Variants in GPATCH8 observed in about 807,000 individuals in gnomAD.
GPATCH8 encodes the protein G-patch domain containing 8.
In GPATCH8, 18 loss-of-function variants were observed where a neutral mutation model predicts 118.3. That is an observed-to-expected ratio of 0.15 (90% CI 0.11 to 0.23). The LOEUF (loss-of-function observed/expected upper bound fraction) is 0.23, where lower values mean the gene tolerates loss of function less well. Among genes scored for constraint, GPATCH8 ranks in the 10% least tolerant of loss-of-function variants. GPATCH8 has a pLI of 1.00. For synonymous variants in GPATCH8, 659 were observed against 684.7 expected (o/e 0.96, Z 0.59); for missense variants, 1,631 against 1,873.8 (o/e 0.87, Z 2.39).
chr17:44,452,783 T>G (rs2051164132), intron 3 of GPATCH8, among the ~76,000 whole-genome samples: 2 of 152,056 alleles, frequency 1.3e-5, no homozygotes, highest in Non-Finnish European at 2.9e-5. Flanking sequence ...ACCCTAAAAA[T>G]AAATTTCTCA....
intron 3 of GPATCH8, among the ~76,000 whole-genome samples, chr17:44,440,912 G>A (rs1302969001): frequency 6.6e-6 from 1 of 152,094 alleles, no homozygotes; most frequent in Non-Finnish European, 1.5e-5. Flanking sequence ...GTGCAGTGAC[G>A]CAATCTCGGC....
chr17:44,430,317 C>T (rs540619913), intron 5 of GPATCH8, among the ~76,000 whole-genome samples: 30 of 151,972 alleles, frequency 2.0e-4, no homozygotes, highest in African/African-American at 7.0e-4. Context: ...TATTAAAAGG[C>T]GAAGTGGGAT....
intron 1 of GPATCH8, among the ~76,000 whole-genome samples, chr17:44,495,227 G>GT (rs1421992402): frequency 6.6e-6 from 1 of 152,092 alleles, no homozygotes; most frequent in Non-Finnish European, 1.5e-5. Context: ...CCAGTTACTC[G>GT]TGAGGCTGAG....
At chr17:44,404,787 ATTATG>A (rs1321385754) in intron 7 of GPATCH8, among the ~76,000 whole-genome samples, 2 of 152,172 alleles carry the variant, frequency 1.3e-5, no homozygotes, top group Non-Finnish European at 2.9e-5. Flanking sequence ...AGGACTAATT[ATTATG>A]TTAAGTAAAG....
chr17:44,453,532 CAG>C, intron 3 of GPATCH8, among the ~76,000 whole-genome samples: 2 of 31,880 alleles, frequency 6.3e-5, no homozygotes, highest in African/African-American at 2.2e-4. Flanking sequence ...TGTGTGTGTG[CAG>C]GCGCGCGTTT....
intron 1 of GPATCH8, among the ~76,000 whole-genome samples, chr17:44,485,495 C>T (rs571302599): frequency 1.3e-5 from 2 of 152,198 alleles, no homozygotes; most frequent in South Asian, 2.1e-4. Context: ...GGCACAATCT[C>T]GACTCACTGC....
chr17:44,460,615 C>T (rs1270131744), intron 3 of GPATCH8, among the ~76,000 whole-genome samples: 1 of 152,008 alleles, frequency 6.6e-6, no homozygotes, highest in East Asian at 1.9e-4. Flanking sequence ...CAAAAAAGCC[C>T]AAAAGGACCA....
intron 3 of GPATCH8, among the ~76,000 whole-genome samples, chr17:44,455,760 T>G (rs1288609490): frequency 1.3e-5 from 2 of 152,184 alleles, no homozygotes; most frequent in African/African-American, 2.4e-5. Flanking sequence ...AAAAAATGAT[T>G]TTTCTTGACA....
intron 6 of GPATCH8, 69 bp from the exon 7 acceptor site, chr17:44,406,120 C>T (rs111255657): frequency 8.8e-7 from 1 of 1,129,956 alleles, no homozygotes; most frequent in Non-Finnish European, 1.3e-6. Context: ...GAAAGCAAAG[C>T]CTTTAGGACA....
At chr17:44,466,254 C>T (rs528501028) in intron 2 of GPATCH8, among the ~76,000 whole-genome samples, 24 of 152,214 alleles carry the variant, frequency 1.6e-4, no homozygotes, top group African/African-American at 5.3e-4. Flanking sequence ...GCAATCCTCC[C>T]TCCTCAGCCT....
intron 6 of GPATCH8, among the ~76,000 whole-genome samples, chr17:44,418,453 T>C (rs915489183): frequency 6.7e-6 from 1 of 148,496 alleles, no homozygotes; most frequent in South Asian, 2.1e-4. Flanking sequence ...TCAGTGCTAA[T>C]GTCTTTTTTT....
chr17:44,464,665 G>C (rs1033275182), intron 2 of GPATCH8, 121 bp from the exon 3 acceptor site: 5 of 755,964 alleles, frequency 6.6e-6, no homozygotes, highest in East Asian at 5.0e-5. Flanking sequence ...GCAAAAAGGT[G>C]CTAATAATAG....
At chr17:44,401,503 C>T (rs781215643) in intron 7 of GPATCH8, 50 bp from the exon 8 acceptor site, 8 of 1,156,378 alleles carry the variant, frequency 6.9e-6, no homozygotes, top group Admixed American at 6.7e-5. Flanking sequence ...TTTAGGAGTA[C>T]ATTTCATAAA....
chr17:44,464,394 A>C, intron 3 of GPATCH8, 78 bp downstream of exon 3: 1 of 908,962 alleles, frequency 1.1e-6, no homozygotes, highest in Non-Finnish European at 1.9e-6. Context: ...TTTTAAAAAC[A>C]CAACAAATAC....
chr17:44,420,432 T>C (rs2049855262), intron 6 of GPATCH8, among the ~76,000 whole-genome samples: 1 of 152,236 alleles, frequency 6.6e-6, no homozygotes, highest in African/African-American at 2.4e-5. Flanking sequence ...ACTGCCATTT[T>C]GCCTCTTTGT....
At position 44,401,363 on chromosome 17, in the gene GPATCH8, A is replaced by G; in HGVS notation, c.714T>C (p.Asn238=). Residue 238 remains asparagine (N), a synonymous_variant, in exon 8 of 8, where the codon AAT becomes AAC. Transcript: ENST00000591680. ...AAGAAGCAGTGGCACCTGTGCCACT[A>G]TTTGTAGCTGATTCATCTTTATCAT... is the stretch of plus-strand genomic sequence containing the variant. The part of the protein sequence containing the change: ...GEDDKDESAT[N]SGTGATASCG... 6.2e-7 allele frequency: 1 copy of G among 1,611,120 alleles called. No homozygotes were observed. Among genetic ancestry groups the G allele is most frequent in the Non-Finnish European group, 8.5e-7 (1 of 1,177,530 alleles).
At position 44,395,522 on chromosome 17, in the gene GPATCH8, T is replaced by C. The variant is rs887447847; in HGVS notation, c.*2046A>G. 1.3e-5 allele frequency: 6 copies of C among 454,392 alleles called. No individual in the cohort carries two copies. The highest frequency in any genetic ancestry group is 2.6e-5 in the Non-Finnish European group (6 of 226,798). 28.1% of individuals were successfully genotyped at this position (454,392 alleles called of 1,614,324 possible). ...GGAAGCAGCACGAAAATGTTAATAC[T>C]GTATTATTTATTTACATGGGCTGAA... On this transcript the variant is annotated 3_prime_UTR_variant, in exon 8 of 8. Coordinates refer to ENST00000591680, the MANE Select transcript of GPATCH8 (RefSeq NM_001002909.4).
At chr17:44,489,703 T>C (rs1180985004) in intron 1 of GPATCH8, among the ~76,000 whole-genome samples, 1 of 151,408 alleles carries the variant, frequency 6.6e-6, no homozygotes, top group Non-Finnish European at 1.5e-5. Context: ...AAAATGTGAT[T>C]TCAAACCCCA....
Position 44,493,126 on chromosome 17 carries a change from CACA to C in GPATCH8, c.45+10197_45+10199del, listed in dbSNP as rs775197816. Among the ~76,000 whole-genome samples the C allele has an allele frequency of 1.5e-3, 220 of 143,362 alleles. 1 individual carries two copies. The highest frequency in any genetic ancestry group is 4.2e-3 in the Middle Eastern group (1 of 238). The allele number at this position is 143,362 out of a possible 152,430, so 94.1% of individuals were successfully genotyped here. A position where few individuals can be genotyped will look rare whatever the true frequency, so the allele number is the denominator to read the frequency against. ...TAGAGTGAGTGGCAGAATCCTGACT[CACA>C]ACAACCTCTGCCTCCTGGGTTCATG... On this transcript the variant is annotated intron_variant, in intron 1 of 7. Transcript: ENST00000591680.
Sources: gnomAD v4.1 joint callset for allele counts (sites outside exome capture counted in the v4.1 genomes callset) on GRCh38, gnomAD v4.1.1 for gene constraint, MANE v1.5 for transcripts, NCBI Gene and HGNC (gene_info 2026-07-23, HGNC 2026-07-21) for gene names.